Variants in CLIC6 observed in about 807,000 individuals in gnomAD.
CLIC6 encodes chloride intracellular channel protein 6.
In CLIC6, 39 loss-of-function variants were observed where a neutral mutation model predicts 49.2. The observed-to-expected ratio is 0.79, with a 90% CI of 0.61 to 1.04. The LOEUF is 1.04. Among genes scored for constraint, CLIC6 ranks in the 50% least tolerant of loss-of-function variants. CLIC6 has a pLI of 0.00. For missense variants in CLIC6, 988 were observed against 993.1 expected (o/e 0.99, Z 0.07); for synonymous variants, 446 against 433.4 (o/e 1.03, Z -0.36).
intron 1 of CLIC6, among the ~76,000 whole-genome samples, chr21:34,680,016 C>G (rs1299985222): frequency 6.6e-6 from 1 of 152,226 alleles, no homozygotes; most frequent in African/African-American, 2.4e-5. Context: ...TAGGCAGTGC[C>G]CCAGTGGGGA....
intron 1 of CLIC6, among the ~76,000 whole-genome samples, chr21:34,692,386 A>G (rs1044866886): frequency 3.9e-5 from 6 of 152,202 alleles, no homozygotes; most frequent in Admixed American, 2.0e-4. Context: ...TCAGACTTTC[A>G]TGAAAGGCTG....
intron 1 of CLIC6, among the ~76,000 whole-genome samples, chr21:34,685,390 C>T (rs934351232): frequency 7.9e-5 from 12 of 152,320 alleles, no homozygotes; most frequent in Non-Finnish European, 1.2e-4. Flanking sequence ...CTTTGAAGGC[C>T]GCACAAACTA....
At position 34,670,740 on chromosome 21, in the gene CLIC6, A is replaced by G. The variant is rs1368097940; in HGVS notation, c.1352A>G (p.His451Arg). Residue 451 changes from histidine to arginine, a missense_variant, in exon 1 of 6, where the codon CAC (histidine) becomes CGC (arginine). Transcript: ENST00000349499. ...ASEPRALGQE[H>R]DITLFVKAGY... ...GAGCCCCGGGCCCTGGGGCAGGAGC[A>G]CGACATCACCCTCTTCGTCAAGGTA... is the stretch of plus-strand genomic sequence containing the variant. 1 of 1,600,560 alleles carries G rather than the reference A, an allele frequency of 6.2e-7. No individual in the cohort carries two copies. The highest frequency in any genetic ancestry group is 1.7e-5 in the Admixed American group (1 of 59,564).
At chr21:34,704,449 C>A (rs1401120447) in intron 1 of CLIC6, among the ~76,000 whole-genome samples, 1 of 152,186 alleles carries the variant, frequency 6.6e-6, no homozygotes, top group Non-Finnish European at 1.5e-5. Context: ...TATGTAAATT[C>A]TGTTTTATTG....
At position 34,669,582 on chromosome 21, in the gene CLIC6, CAGACAGGGGCCCGGAGGCCG is replaced by C. The variant is rs1357615939; in HGVS notation, c.197_216del (p.Asp66GlyfsTer12). 1 of 1,262,912 alleles carries C rather than the reference CAGACAGGGGCCCGGAGGCCG, an allele frequency of 7.9e-7. No homozygotes were observed. The highest frequency in any genetic ancestry group is 9.9e-7 in the Non-Finnish European group (1 of 1,007,460). 78.2% of individuals were successfully genotyped at this position (1,262,912 alleles called of 1,614,324 possible). Reference sequence around the variant, plus strand: ...GTGAAGGAGGCAGGAGGCGGCGGGCCAGACAGGGGCCCGGAGGCCGAGGCGCGGGGCACGAGGGGGGCGCA... The same window carrying C: ...GTGAAGGAGGCAGGAGGCGGCGGGCCAGGCGCGGGGCACGAGGGGGGCGCA... On this transcript the variant is annotated frameshift_variant, in exon 1 of 6. Coordinates refer to ENST00000349499, the MANE Select transcript of CLIC6 (RefSeq NM_053277.3). LOFTEE classifies it high-confidence loss of function.
In CLIC6 at chr21:34,716,734, G is replaced by T. The variant is rs2056087430; in HGVS notation, c.*252G>T. On this transcript the variant is annotated 3_prime_UTR_variant, in exon 6 of 6. Coordinates refer to ENST00000349499, the MANE Select transcript of CLIC6 (RefSeq NM_053277.3). ...TTGATATTTTAAAGCAATATCAGAG[G>T]GTGTAAAGAAGGACATTTTAACAAT... 3.8e-6 allele frequency: 1 copy of T among 262,934 alleles called. No individual in the cohort carries two copies. Among genetic ancestry groups the T allele is most frequent in the Non-Finnish European group, 7.1e-6 (1 of 140,560 alleles). The allele number at this position is 262,934 out of a possible 1,614,324, so 16.3% of individuals were successfully genotyped here. A position where few individuals can be genotyped will look rare whatever the true frequency, so the allele number is the denominator to read the frequency against.
In CLIC6 at chr21:34,671,054, TC is replaced by T. The variant is rs1989555803; in HGVS notation, c.1374+294del. Reference sequence around the variant, plus strand: ...GGGTTGTGGGTTCAGCATCCCACTGTCCTTTGACCTGAACATCCTAACCAGC... The same window carrying T: ...GGGTTGTGGGTTCAGCATCCCACTGTCTTTGACCTGAACATCCTAACCAGC... On this transcript the variant is annotated intron_variant, in intron 1 of 5. Transcript: ENST00000349499. Among the ~76,000 whole-genome samples the T allele has an allele frequency of 2.7e-5, 4 of 149,218 alleles. No homozygotes were observed. The South Asian group carries it at 8.5e-4, about 32-fold the overall frequency.
chr21:34,715,545 A>G (rs750715892), intron 5 of CLIC6, among the ~76,000 whole-genome samples: 7 of 152,174 alleles, frequency 4.6e-5, no homozygotes, highest in Non-Finnish European at 8.8e-5. Flanking sequence ...CAGAACTAGG[A>G]ATCAGTAAAC....
intron 1 of CLIC6, among the ~76,000 whole-genome samples, chr21:34,672,289 A>G (rs1373998522): frequency 1.3e-5 from 2 of 152,134 alleles, no homozygotes; most frequent in Non-Finnish European, 2.9e-5. Flanking sequence ...GCCCTTTGTG[A>G]TGTTATTTCT....
intron 4 of CLIC6, 27 bp from the exon 5 acceptor site, chr21:34,709,326 CTCTT>C (rs1287465562): frequency 6.3e-7 from 1 of 1,596,074 alleles, no homozygotes; most frequent in South Asian, 1.1e-5. Flanking sequence ...TTGCAAACCT[CTCTT>C]TGTGATTTCT....
At chr21:34,714,645 C>G (rs535744170) in intron 5 of CLIC6, among the ~76,000 whole-genome samples, 1 of 147,690 alleles carries the variant, frequency 6.8e-6, no homozygotes, top group East Asian at 2.0e-4. Context: ...CCGAGATCCT[C>G]CACTGTACTC....
chr21:34,709,586 T>C (rs774144719), intron 5 of CLIC6, 48 bp downstream of exon 5: 1 of 1,517,148 alleles, frequency 6.6e-7, no homozygotes, highest in Non-Finnish European at 9.0e-7. Flanking sequence ...AACGGGGCTT[T>C]GTTTTATTTT....
intron 1 of CLIC6, among the ~76,000 whole-genome samples, chr21:34,674,245 C>A (rs951070349): frequency 6.6e-6 from 1 of 152,028 alleles, no homozygotes; most frequent in Non-Finnish European, 1.5e-5. Context: ...ACCATTACAC[C>A]CAGCTAGTTT....
chr21:34,714,313 A>G (rs1357066851), intron 5 of CLIC6, among the ~76,000 whole-genome samples: 1 of 152,252 alleles, frequency 6.6e-6, no homozygotes, highest in Non-Finnish European at 1.5e-5. Context: ...AAGGAGGATA[A>G]TACAGAAGAA....
At chr21:34,694,135 A>AATTT (rs1990049613) in intron 1 of CLIC6, among the ~76,000 whole-genome samples, 1 of 128,420 alleles carries the variant, frequency 7.8e-6, no homozygotes, top group African/African-American at 3.1e-5. Flanking sequence ...CGCCTGGTTA[A>AATTT]TTTTTTTTTT....
intron 1 of CLIC6, among the ~76,000 whole-genome samples, chr21:34,703,575 C>T (rs775030198): frequency 5.3e-5 from 8 of 151,932 alleles, no homozygotes; most frequent in Non-Finnish European, 8.8e-5. Flanking sequence ...TTTGCCTGAA[C>T]AAAAAGAAGG....
Position 34,716,374 on chromosome 21 carries a change from C to A in CLIC6, c.1953C>A (p.Ile651=). Residue 651 remains isoleucine, a synonymous_variant, in exon 6 of 6, where the codon ATC becomes ATA. Coordinates refer to ENST00000349499, the MANE Select transcript of CLIC6 (RefSeq NM_053277.3). Reference sequence around the variant, plus strand: ...AATTTCCTTCTGAAATGACTGGCATCTGGAGATACTTGAATAATGCTTATG... The same window carrying A: ...AATTTCCTTCTGAAATGACTGGCATATGGAGATACTTGAATAATGCTTATG... ...DFEFPSEMTG[I]WRYLNNAYAR... is the part of the protein sequence containing the mutation. 1 of 1,613,742 alleles carries A rather than the reference C, an allele frequency of 6.2e-7. No individual in the cohort carries two copies. The highest frequency in any genetic ancestry group is 8.5e-7 in the Non-Finnish European group (1 of 1,179,798).
intron 1 of CLIC6, among the ~76,000 whole-genome samples, chr21:34,705,124 A>G (rs1403223836): frequency 6.6e-6 from 1 of 152,240 alleles, no homozygotes; most frequent in African/African-American, 2.4e-5. Flanking sequence ...TCATGTAACT[A>G]CTATAAAAAT....
chr21:34,700,222 C>T (rs1990160939), intron 1 of CLIC6, among the ~76,000 whole-genome samples: 5 of 151,482 alleles, frequency 3.3e-5, no homozygotes, highest in African/African-American at 1.2e-4. Flanking sequence ...CCGAGGAGGG[C>T]GGATCACGAG....
Sources: gnomAD v4.1 joint callset for allele counts (sites outside exome capture counted in the v4.1 genomes callset) on GRCh38, gnomAD v4.1.1 for gene constraint, MANE v1.5 for transcripts, NCBI Gene and HGNC (gene_info 2026-07-23, HGNC 2026-07-21) for gene names.